Variants in TAOK3 observed in about 807,000 individuals in gnomAD.
TAOK3 encodes TAO kinase 3.
A neutral mutation model predicts 120.4 loss-of-function variants in TAOK3; 40 were observed. The ratio of observed to expected loss-of-function variants is 0.33; its 90% CI spans 0.26 to 0.43. The LOEUF (loss-of-function observed/expected upper bound fraction) is 0.43. Among genes scored for constraint, TAOK3 ranks in the 20% least tolerant of loss-of-function variants. TAOK3 has a pLI of 1.00. For synonymous variants in TAOK3, 355 were observed against 387.5 expected, an observed-to-expected ratio of 0.92 and a Z score of 0.99; for missense variants, 821 against 1,112.1, an observed-to-expected ratio of 0.74 and a Z score of 3.72.
At chr12:118,169,315 C>CA (rs2035841270) in intron 17 of TAOK3, among the ~76,000 whole-genome samples, 1 of 63,620 alleles carries the variant, frequency 1.6e-5, no homozygotes, top group South Asian at 7.0e-4. Context: ...CGCCCACCCC[C>CA]ACCCCCCCCC....
At chr12:118,331,545 T>C (rs1476402789) in intron 1 of TAOK3, among the ~76,000 whole-genome samples, 1 of 148,468 alleles carries the variant, frequency 6.7e-6, no homozygotes, top group African/African-American at 2.5e-5. Context: ...CTTGGGGGGC[T>C]GAGGCAGAAG....
chr12:118,228,153 CTTTT>C (rs753232720), intron 9 of TAOK3, among the ~76,000 whole-genome samples: 1 of 138,140 alleles, frequency 7.2e-6, no homozygotes. Flanking sequence ...TATATATACT[CTTTT>C]TTTTTTTTTT....
intron 14 of TAOK3, among the ~76,000 whole-genome samples, chr12:118,184,598 G>A (rs2036959529): frequency 1.3e-5 from 2 of 152,150 alleles, no homozygotes; most frequent in Admixed American, 1.3e-4. Flanking sequence ...ACTATTTTCT[G>A]TTATAAAGTA....
At chr12:118,348,635 A>T (rs917278066) in intron 1 of TAOK3, among the ~76,000 whole-genome samples, 1 of 151,894 alleles carries the variant, frequency 6.6e-6, no homozygotes, top group African/African-American at 2.4e-5. Flanking sequence ...TATTTTTAGT[A>T]GAGACAGGGT....
At chr12:118,224,695 C>A (rs2039416115) in intron 9 of TAOK3, among the ~76,000 whole-genome samples, 1 of 152,108 alleles carries the variant, frequency 6.6e-6, no homozygotes, top group African/African-American at 2.4e-5. Context: ...ATTTATAAAA[C>A]AGGATTAAAC....
At chr12:118,175,973 A>C (rs2036298778) in intron 16 of TAOK3, among the ~76,000 whole-genome samples, 1 of 152,224 alleles carries the variant, frequency 6.6e-6, no homozygotes, top group Non-Finnish European at 1.5e-5. Context: ...GCAAACAAAA[A>C]CATGGTCTGT....
chr12:118,255,098 A>C (rs1239894249), intron 3 of TAOK3, among the ~76,000 whole-genome samples: 1 of 151,832 alleles, frequency 6.6e-6, no homozygotes, highest in Non-Finnish European at 1.5e-5. Flanking sequence ...TTAATAAGTG[A>C]GTCAATTGAT....
At chr12:118,350,827 T>C (rs1431301950) in intron 1 of TAOK3, among the ~76,000 whole-genome samples, 1 of 139,304 alleles carries the variant, frequency 7.2e-6, no homozygotes, top group Non-Finnish European at 1.5e-5. Flanking sequence ...GCCATTGTAC[T>C]CCAGCCTGGG....
intron 1 of TAOK3, among the ~76,000 whole-genome samples, chr12:118,310,202 T>C (rs1262031141): frequency 6.6e-6 from 1 of 152,172 alleles, no homozygotes; most frequent in African/African-American, 2.4e-5. Flanking sequence ...GAGGATTCCT[T>C]GAGTCAGGGA....
chr12:118,241,900 C>T (rs147477631), intron 5 of TAOK3, among the ~76,000 whole-genome samples: 8 of 152,038 alleles, frequency 5.3e-5, no homozygotes, highest in East Asian at 3.9e-4. Context: ...CACCTGAGGT[C>T]GGGAGTTCGA....
chr12:118,154,801 T>C (rs1347812433), intron 19 of TAOK3, among the ~76,000 whole-genome samples: 1 of 152,052 alleles, frequency 6.6e-6, no homozygotes, highest in African/African-American at 2.4e-5. Flanking sequence ...TGGCTTACAC[T>C]GAAGATACGA....
intron 1 of TAOK3, among the ~76,000 whole-genome samples, chr12:118,343,165 T>A (rs1408930855): frequency 6.6e-6 from 1 of 151,948 alleles, no homozygotes; most frequent in Non-Finnish European, 1.5e-5. Context: ...CGGTGGCTCA[T>A]GCCTGCAATC....
intron 1 of TAOK3, among the ~76,000 whole-genome samples, chr12:118,284,883 T>C (rs1346901744): frequency 6.6e-6 from 1 of 152,106 alleles, no homozygotes; most frequent in Non-Finnish European, 1.5e-5. Flanking sequence ...ATTAAATATA[T>C]AGTCAAAAGG....
chr12:118,214,749 T>TC (rs2038802882), intron 9 of TAOK3, among the ~76,000 whole-genome samples: 1 of 11,868 alleles, frequency 8.4e-5, no homozygotes, highest in South Asian at 3.4e-3. Context: ...TTTCTTTCTT[T>TC]TTTTTTTTTT....
chr12:118,298,961 A>G (rs2042778660), intron 1 of TAOK3, among the ~76,000 whole-genome samples: 1 of 152,186 alleles, frequency 6.6e-6, no homozygotes, highest in Non-Finnish European at 1.5e-5. Flanking sequence ...CCTGGAAGGT[A>G]CTACTTCCCT....
chr12:118,188,227 A>G (rs1366091056), intron 14 of TAOK3, among the ~76,000 whole-genome samples: 2 of 152,224 alleles, frequency 1.3e-5, no homozygotes, highest in Non-Finnish European at 2.9e-5. Flanking sequence ...GGGTCTGGAT[A>G]AAGGTCCAAG....
At chr12:118,218,300 G>T (rs1388861422) in intron 9 of TAOK3, among the ~76,000 whole-genome samples, 1 of 152,070 alleles carries the variant, frequency 6.6e-6, no homozygotes, top group African/African-American at 2.4e-5. Context: ...TTTTCAGGGG[G>T]CAGATTTTAG....
At chr12:118,334,274 T>C (rs1226762672) in intron 1 of TAOK3, among the ~76,000 whole-genome samples, 2 of 152,132 alleles carry the variant, frequency 1.3e-5, no homozygotes, top group African/African-American at 2.4e-5. Flanking sequence ...ATATGTAGTA[T>C]ACAATGAAAT....
In TAOK3 at chr12:118,164,322, G is replaced by A. The variant is rs567175245; in HGVS notation, c.1900-2295C>T. The stretch of plus-strand genomic sequence containing the variant: ...AGCCTGGGGGACAGAGCGAGACTCC[G>A]TCTCAAAAAAAACAGAAAAACAACA... On this transcript the variant is annotated intron_variant, in intron 17 of 20. Coordinates refer to ENST00000392533, the MANE Select transcript of TAOK3 (RefSeq NM_016281.4). Among the ~76,000 whole-genome samples the A allele has an allele frequency of 4.7e-5, 7 of 148,102 alleles. No individual in the cohort carries two copies. In the East Asian group the frequency reaches 6.1e-4, roughly 13 times the overall value.
Sources: gnomAD v4.1 joint callset for allele counts (sites outside exome capture counted in the v4.1 genomes callset) on GRCh38, gnomAD v4.1.1 for gene constraint, MANE v1.5 for transcripts, NCBI Gene and HGNC (gene_info 2026-07-23, HGNC 2026-07-21) for gene names.